Variants in MTRF1L observed in about 807,000 individuals in gnomAD.
The protein encoded by MTRF1L is peptide chain release factor 1-like, mitochondrial.
MTRF1L carries 29 observed loss-of-function variants against 40.0 expected under a neutral mutation model. The observed-to-expected ratio is 0.73, with a 90% CI of 0.54 to 0.99. MTRF1L has a LOEUF of 0.99. Ranked by LOEUF, MTRF1L falls within the 50% of genes least tolerant of loss-of-function variation. The probability of loss-of-function intolerance (pLI) is 0.00; values close to 1 mark genes in which losing one functional copy is unlikely to be tolerated. For synonymous variants in MTRF1L, 150 were observed against 175.8 expected (o/e 0.85, Z 1.16); for missense variants, 412 against 464.5 (o/e 0.89, Z 1.04).
intron 3 of MTRF1L, 57 bp downstream of exon 3, chr6:152,995,079 T>C (rs780608917): frequency 2.1e-6 from 3 of 1,434,820 alleles, no homozygotes; most frequent in Non-Finnish European, 2.8e-6. Flanking sequence ...CTAGTCATGG[T>C]CTTTCCAACT....
Position 153,000,613 on chromosome 6 carries a change from T to A in MTRF1L, c.259+1814A>T, listed in dbSNP as rs543449155. Reference sequence around the variant, plus strand: ...ATGGTTTCCCATTCTAAATGGGTCCTTTTCTTTTCAACCCTTTAAGTAGCT... The same window carrying A: ...ATGGTTTCCCATTCTAAATGGGTCCATTTCTTTTCAACCCTTTAAGTAGCT... On this transcript the variant is annotated intron_variant, in intron 1 of 6. Coordinates refer to ENST00000367233, the MANE Select transcript of MTRF1L (RefSeq NM_019041.7). Among the ~76,000 whole-genome samples the A allele has an allele frequency of 2.6e-5, 4 of 152,306 alleles. No individual in the cohort carries two copies. The East Asian group carries it at 7.7e-4, about 29-fold the overall frequency.
chr6:152,989,852 A>G lies in MTRF1L; in HGVS notation c.*43T>C. ...CTTTCACCCTATGTGGATGTACTGT[A>G]GAATTTTTCTAAGCTACGAAAGTCT... is the stretch of plus-strand genomic sequence containing the variant. On this transcript the variant is annotated 3_prime_UTR_variant, in exon 7 of 7. Coordinates refer to ENST00000367233, the MANE Select transcript of MTRF1L (RefSeq NM_019041.7). The G allele has an allele frequency of 6.5e-7, 1 of 1,546,182 alleles. No individual in the cohort carries two copies. Among genetic ancestry groups the G allele is most frequent in the Non-Finnish European group, 8.7e-7 (1 of 1,152,638 alleles).
intron 3 of MTRF1L, 114 bp from the exon 4 acceptor site, chr6:152,994,790 A>G (rs1397034234): frequency 8.2e-7 from 1 of 1,217,180 alleles, no homozygotes; most frequent in Admixed American, 1.8e-5. Flanking sequence ...GGAGATGAAC[A>G]TGGAGACTGT....
intron 2 of MTRF1L, among the ~76,000 whole-genome samples, chr6:152,997,177 G>T (rs966106860): frequency 6.6e-6 from 1 of 152,170 alleles, no homozygotes; most frequent in African/African-American, 2.4e-5. Flanking sequence ...GAGACAAGAT[G>T]ATGTTGAAGA....
In MTRF1L at chr6:152,995,125, A is replaced by G. The variant is rs556645207; in HGVS notation, c.523+11T>C. The G allele has an allele frequency of 5.5e-5, 88 of 1,587,788 alleles. 2 individuals carry two copies. In the South Asian group the frequency reaches 9.7e-4, roughly 18 times the overall value. ...ACACTTTACCTGAAACAAAATGAAT[A>G]GTTTACTGACCTAGTTCACTTGGAA... is the stretch of plus-strand genomic sequence containing the variant. On this transcript the variant is annotated intron_variant, in intron 3 of 6. Coordinates refer to ENST00000367233, the MANE Select transcript of MTRF1L (RefSeq NM_019041.7).
chr6:152,998,895 A>C (rs1224359440), intron 1 of MTRF1L, among the ~76,000 whole-genome samples: 1 of 152,188 alleles, frequency 6.6e-6, no homozygotes, highest in African/African-American at 2.4e-5. Flanking sequence ...ATAAAAATAT[A>C]AAGAAGCTAA....
intron 1 of MTRF1L, among the ~76,000 whole-genome samples, chr6:152,999,956 CAAG>C (rs1043815742): frequency 1.3e-5 from 2 of 152,060 alleles, no homozygotes; most frequent in South Asian, 2.1e-4. Flanking sequence ...AAGATTAACT[CAAG>C]GAGAGAGAAT....
Position 152,995,050 on chromosome 6 carries a change from C to T in MTRF1L, c.523+86G>A, listed in dbSNP as rs534260072. The T allele has an allele frequency of 8.2e-6, 10 of 1,212,566 alleles. No individual in the cohort carries two copies. In the East Asian group the frequency reaches 2.5e-4, roughly 31 times the overall value. 75.1% of individuals were successfully genotyped at this position (1,212,566 alleles called of 1,614,324 possible). ...GAGCATAAAACTACATAAGCATCCTCACAGATAAGTTCTAAAGCCTAGTCA... is the reference window on the plus strand; with the variant it reads ...GAGCATAAAACTACATAAGCATCCTTACAGATAAGTTCTAAAGCCTAGTCA... On this transcript the variant is annotated intron_variant, in intron 3 of 6. Coordinates refer to ENST00000367233, the MANE Select transcript of MTRF1L (RefSeq NM_019041.7).
chr6:152,997,967 G>T (rs1778770034), intron 2 of MTRF1L, among the ~76,000 whole-genome samples: 1 of 151,798 alleles, frequency 6.6e-6, no homozygotes, highest in South Asian at 2.1e-4. Flanking sequence ...AGTTCTTTAG[G>T]GATGCATTAA....
intron 2 of MTRF1L, among the ~76,000 whole-genome samples, chr6:152,995,733 A>C (rs1778692654): frequency 6.6e-6 from 1 of 152,320 alleles, no homozygotes; most frequent in East Asian, 1.9e-4. Flanking sequence ...AAAGCACTCA[A>C]AACTACATTT....
chr6:152,998,467 A>T, intron 2 of MTRF1L, 83 bp downstream of exon 2: 1 of 995,584 alleles, frequency 1.0e-6, no homozygotes, highest in Non-Finnish European at 1.4e-6. Context: ...GTAACAAGCT[A>T]GTCACTTGTT....
intron 6 of MTRF1L, 133 bp from the exon 7 acceptor site, chr6:152,990,228 G>C: frequency 8.1e-7 from 1 of 1,231,078 alleles, no homozygotes; most frequent in South Asian, 1.6e-5. Flanking sequence ...TAAACACTTA[G>C]AATCTCAAAT....
intron 1 of MTRF1L, among the ~76,000 whole-genome samples, chr6:153,000,733 C>A (rs1333758855): frequency 6.6e-6 from 1 of 152,116 alleles, no homozygotes; most frequent in Non-Finnish European, 1.5e-5. Flanking sequence ...ACCTCTCAAG[C>A]TGTTACACTG....
chr6:152,991,875 G>A (rs1469503814), intron 5 of MTRF1L, among the ~76,000 whole-genome samples: 1 of 152,130 alleles, frequency 6.6e-6, no homozygotes, highest in African/African-American at 2.4e-5. Flanking sequence ...TATACTGAAG[G>A]CATACATACT....
rs1362195732 is a variant in MTRF1L, at chr6:152,994,596, C to G, written c.604G>C (p.Val202Leu). ...TTTTCTGTCTTTGGCACTCTTTGTA[C>G]TCTGTGAACACCTCCTTCAAATTTC... is the stretch of plus-strand genomic sequence containing the variant. ...HMKFEGGVHR[V>L]QRVPKTEKQG... The change falls in exon 4 of 7, where the codon GTA (valine) becomes CTA (leucine). Residue 202 changes from valine (V) to leucine (L), a missense_variant. Transcript: ENST00000367233. The G allele has an allele frequency of 6.2e-7, 1 of 1,613,658 alleles. No homozygotes were observed. Among genetic ancestry groups the G allele is most frequent in the East Asian group, 2.2e-5 (1 of 44,888 alleles).
chr6:152,998,634 GA>G lies in MTRF1L; in HGVS notation c.260-6del, dbSNP rs750386363. The G allele has an allele frequency of 1.1e-5, 17 of 1,576,772 alleles. No individual in the cohort carries two copies. The highest frequency in any genetic ancestry group is 7.7e-5 in the Admixed American group (4 of 52,056). ...TCCTTAAATCTTCATTCTCATCTAG[GA>G]AAAAAAGGGCAGAAGTTAAGGTTTT... On this transcript the variant is annotated splice_region_variant and splice_polypyrimidine_tract_variant and intron_variant, in intron 1 of 6. Coordinates refer to ENST00000367233, the MANE Select transcript of MTRF1L (RefSeq NM_019041.7).
At chr6:152,998,261 T>G (rs1778787073) in intron 2 of MTRF1L, 1 of 183,422 alleles carries the variant, frequency 5.5e-6, no homozygotes, top group South Asian at 1.9e-4. Context: ...GCTACAGTAC[T>G]TTTAGTATGA....
At chr6:152,999,698 T>G (rs895252440) in intron 1 of MTRF1L, among the ~76,000 whole-genome samples, 5 of 152,326 alleles carry the variant, frequency 3.3e-5, no homozygotes, top group African/African-American at 1.2e-4. Context: ...AGAGTTCCCC[T>G]GCACAAGTTA....
chr6:152,994,074 T>C (rs1364584839), intron 4 of MTRF1L, among the ~76,000 whole-genome samples: 1 of 152,228 alleles, frequency 6.6e-6, no homozygotes, highest in Non-Finnish European at 1.5e-5. Flanking sequence ...GAATAAAGTA[T>C]ACTCATTATG....
Sources: allele counts gnomAD v4.1 joint callset (sites outside exome capture counted in the v4.1 genomes callset), GRCh38; gene constraint gnomAD v4.1.1; transcripts MANE v1.5; gene names NCBI Gene and HGNC (gene_info 2026-07-23, HGNC 2026-07-21).